RARB: variants seen among roughly 807,000 people sequenced by gnomAD.
RARB encodes the protein retinoic acid receptor beta.
Under a neutral mutation model 51.9 loss-of-function variants are expected in RARB, and 17 were observed. The ratio of observed to expected loss-of-function variants is 0.33; its 90% CI spans 0.22 to 0.49. RARB has a LOEUF of 0.49. Among genes scored for constraint, RARB ranks in the 20% least tolerant of loss-of-function variants. The probability of loss-of-function intolerance (pLI) is 0.99; values close to 1 mark genes in which losing one functional copy is unlikely to be tolerated. For missense variants in RARB, 369 were observed against 550.8 expected, an observed-to-expected ratio of 0.67 and a Z score of 3.30; for synonymous variants, 215 against 195.4, an observed-to-expected ratio of 1.10 and a Z score of -0.84.
In RARB at chr3:25,382,523, G is replaced by C. The variant is rs1706658814; in HGVS notation, c.179-78670G>C. Among the ~76,000 whole-genome samples, 2 of 152,182 alleles carry C rather than the reference G, an allele frequency of 1.3e-5. 1 individual carries two copies. The highest frequency in any genetic ancestry group is 4.1e-4 in the South Asian group (2 of 4,826). On this transcript the variant is annotated intron_variant, in intron 5 of 11. Coordinates refer to the RARB transcript ENST00000383772. ...ATTCACAGAACCTGTGAAACTCTCT[G>C]CTAAATATGGCAGAGGATTACGTAT...
intron 2 of RARB, among the ~76,000 whole-genome samples, chr3:25,048,707 G>A (rs1245151762): frequency 2.0e-5 from 3 of 151,426 alleles, no homozygotes; most frequent in Admixed American, 6.6e-5. Flanking sequence ...ATAATTTTAG[G>A]GGATTAAAAA....
chr3:24,933,791 C>G (rs1332814324), intron 2 of RARB, among the ~76,000 whole-genome samples: 2 of 152,020 alleles, frequency 1.3e-5, no homozygotes, highest in Non-Finnish European at 2.9e-5. Context: ...TTCCCATAAT[C>G]TTTTTATCTT....
intron 1 of RARB, among the ~76,000 whole-genome samples, chr3:25,438,464 G>A (rs1376531005): frequency 6.6e-6 from 1 of 152,090 alleles, no homozygotes; most frequent in African/African-American, 2.4e-5. Context: ...AACAGTTGTG[G>A]GGCTTTTAGT....
At position 25,554,449 on chromosome 3, in the gene RARB, G is replaced by A. The variant is rs115868898; in HGVS notation, c.449-15309G>A. Among the ~76,000 whole-genome samples the A allele has an allele frequency of 9.5e-3, 1,451 of 152,090 alleles. 18 individuals are homozygous for A. The highest frequency in any genetic ancestry group is 0.032 in the African/African-American group (1,338 of 41,472). ...GTTTTACTGGGACACAGCCCTGTGC[G>A]TTTGTTGACGTGTAGTCCTGGCTCT... On this transcript the variant is annotated intron_variant, in intron 3 of 7. Coordinates refer to ENST00000330688, the MANE Select transcript of RARB (RefSeq NM_000965.5).
chr3:25,576,725 C>T (rs923221064), intron 4 of RARB, among the ~76,000 whole-genome samples: 1 of 152,200 alleles, frequency 6.6e-6, no homozygotes, highest in African/African-American at 2.4e-5. Context: ...GCTCGAAGCC[C>T]TCTCTAGCCA....
intron 5 of RARB, among the ~76,000 whole-genome samples, chr3:25,293,956 T>G (rs1000743473): frequency 6.6e-6 from 1 of 152,202 alleles, no homozygotes; most frequent in Non-Finnish European, 1.5e-5. Context: ...CCTTCTCATT[T>G]GTTCTAAGGG....
intron 3 of RARB, among the ~76,000 whole-genome samples, chr3:25,104,313 A>G (rs140254869): frequency 1.3e-5 from 2 of 152,180 alleles, no homozygotes; most frequent in African/African-American, 2.4e-5. Context: ...GAAATCTCTC[A>G]CTATCTACTG....
chr3:25,209,731 T>TAA (rs547389576), intron 5 of RARB, among the ~76,000 whole-genome samples: 2 of 150,730 alleles, frequency 1.3e-5, no homozygotes, highest in African/African-American at 4.9e-5. Flanking sequence ...ACTTTGAAAA[T>TAA]AAAAAAAAAG....
At chr3:24,985,227 T>A (rs1344605953) in intron 2 of RARB, among the ~76,000 whole-genome samples, 1 of 152,204 alleles carries the variant, frequency 6.6e-6, no homozygotes, top group African/African-American at 2.4e-5. Flanking sequence ...AGAATTTATC[T>A]TCCTCACCAT....
intron 3 of RARB, among the ~76,000 whole-genome samples, chr3:25,081,020 C>A (rs1270603709): frequency 6.6e-6 from 1 of 151,850 alleles, no homozygotes; most frequent in Non-Finnish European, 1.5e-5. Flanking sequence ...ACTTTATTAT[C>A]TTCTTCTATG....
At chr3:25,384,023 G>C (rs879767180) in intron 5 of RARB, among the ~76,000 whole-genome samples, 2 of 151,944 alleles carry the variant, frequency 1.3e-5, no homozygotes, top group African/African-American at 4.8e-5. Context: ...TTTTTTAGTT[G>C]GGTGTTTAGA....
chr3:25,527,014 A>G (rs1157457021), intron 3 of RARB, among the ~76,000 whole-genome samples: 1 of 152,180 alleles, frequency 6.6e-6, no homozygotes, highest in Non-Finnish European at 1.5e-5. Context: ...GTGTGTAATT[A>G]CTACTTTATT....
intron 3 of RARB, among the ~76,000 whole-genome samples, chr3:25,116,665 C>A (rs902160820): frequency 6.6e-6 from 1 of 151,898 alleles, no homozygotes; most frequent in Non-Finnish European, 1.5e-5. Flanking sequence ...GTGAAGCTAC[C>A]ATTGACTTTG....
intron 3 of RARB, among the ~76,000 whole-genome samples, chr3:25,502,921 C>T (rs1459461778): frequency 6.6e-6 from 1 of 152,156 alleles, no homozygotes; most frequent in Non-Finnish European, 1.5e-5. Context: ...GCCTCCAGGT[C>T]GTTTTGTTAT....
At chr3:25,413,135 A>C (rs1008738312) in intron 5 of RARB, among the ~76,000 whole-genome samples, 12 of 152,218 alleles carry the variant, frequency 7.9e-5, no homozygotes, top group African/African-American at 2.9e-4. Context: ...CACTTCTAAC[A>C]ACATAGATTA....
rs1406277628 is a variant in RARB at position 25,428,681 on chromosome 3, T to A, written c.-51T>A. 6.4e-7 allele frequency: 1 copy of A among 1,560,424 alleles called. No homozygotes were observed. The highest frequency in any genetic ancestry group is 1.3e-5 in the African/African-American group (1 of 74,100). On this transcript the variant is annotated 5_prime_UTR_variant, in exon 1 of 8. Transcript: ENST00000330688. ...GGTGGACTTTTCTATGCCATTTGCCTCCACACCTAGAGGATAAGCACTTTT... is the reference window on the plus strand; with the variant it reads ...GGTGGACTTTTCTATGCCATTTGCCACCACACCTAGAGGATAAGCACTTTT...
At chr3:25,092,668 T>G (rs1699219846) in intron 3 of RARB, among the ~76,000 whole-genome samples, 1 of 152,192 alleles carries the variant, frequency 6.6e-6, no homozygotes, top group Admixed American at 6.5e-5. Flanking sequence ...TTTTTAATTG[T>G]GCAGAAATTT....
Position 25,238,006 on chromosome 3 carries a change from C to G in RARB, c.178+63431C>G, listed in dbSNP as rs369699730. Among the ~76,000 whole-genome samples the G allele has an allele frequency of 2.2e-4, 34 of 152,264 alleles. No individual in the cohort carries two copies. The South Asian group carries it at 6.8e-3, about 31-fold the overall frequency. On this transcript the variant is annotated intron_variant, in intron 5 of 11. Transcript: ENST00000383772. ...TTGAGAATTTATCATTTCTACATGTCAGGAACATTTCAAGTCTTCTGTTCT... is the reference window on the plus strand; with the variant it reads ...TTGAGAATTTATCATTTCTACATGTGAGGAACATTTCAAGTCTTCTGTTCT...
intron 3 of RARB, among the ~76,000 whole-genome samples, chr3:25,079,432 C>G (rs1223123927): frequency 6.6e-6 from 1 of 152,140 alleles, no homozygotes; most frequent in Non-Finnish European, 1.5e-5. Flanking sequence ...AGTGGATATT[C>G]ATGTCCCTTC....
Sources: gnomAD v4.1 joint callset for allele counts (sites outside exome capture counted in the v4.1 genomes callset) on GRCh38, gnomAD v4.1.1 for gene constraint, MANE v1.5 for transcripts, NCBI Gene and HGNC (gene_info 2026-07-23, HGNC 2026-07-21) for gene names.